ZHX2: variants seen among roughly 807,000 people sequenced by gnomAD.
ZHX2 encodes zinc fingers and homeoboxes 2, also known as zinc fingers and homeoboxes protein 2.
Under a neutral mutation model 21.9 loss-of-function variants are expected in ZHX2, and 6 were observed. The observed-to-expected ratio is 0.27, with a 90% CI of 0.15 to 0.54. The LOEUF (loss-of-function observed/expected upper bound fraction) is 0.54. ZHX2 is among the 20% of genes least tolerant of loss of function. ZHX2 has a pLI of 0.95. For missense variants in ZHX2, 908 were observed against 1,090.7 expected, an observed-to-expected ratio of 0.83 and a Z score of 2.36; for synonymous variants, 434 against 437.1, an observed-to-expected ratio of 0.99 and a Z score of 0.09.
At chr8:122,943,876 C>A (rs1343212634) in intron 2 of ZHX2, among the ~76,000 whole-genome samples, 1 of 152,208 alleles carries the variant, frequency 6.6e-6, no homozygotes, top group Non-Finnish European at 1.5e-5. Context: ...CCCTTGCCTG[C>A]AGACCAAAAT....
chr8:122,850,110 A>C (rs11774230), intron 1 of ZHX2, among the ~76,000 whole-genome samples: 41,563 of 151,792 alleles, frequency 0.27, 5,985 homozygotes, highest in Middle Eastern at 0.36. Flanking sequence ...AATTATCCAC[A>C]TTTCTTCTTT....
At chr8:122,843,626 G>A (rs78578821) in intron 1 of ZHX2, among the ~76,000 whole-genome samples, 4,260 of 152,272 alleles carry the variant, frequency 0.028, 83 homozygotes, top group Middle Eastern at 0.071. Context: ...AACTGCTGCC[G>A]GATCTGGGGA....
chr8:122,811,279 G>A (rs1487317589), intron 1 of ZHX2, among the ~76,000 whole-genome samples: 2 of 152,146 alleles, frequency 1.3e-5, no homozygotes, highest in South Asian at 4.2e-4. Flanking sequence ...TACTAGGGAG[G>A]CTGAGGTGGG....
At chr8:122,858,865 T>C (rs1289549360) in intron 1 of ZHX2, among the ~76,000 whole-genome samples, 1 of 152,208 alleles carries the variant, frequency 6.6e-6, no homozygotes, top group Admixed American at 6.5e-5. Flanking sequence ...GGTCTCAAAC[T>C]CCTGACCTCA....
rs1563587881 is a variant in ZHX2 at position 122,927,510 on chromosome 8, A to C, written c.-219-23782A>C. 3.9e-5 allele frequency among the ~76,000 whole-genome samples: 6 copies of C among 152,288 alleles called. 1 individual carries two copies. In the South Asian group the frequency reaches 1.2e-3, roughly 32 times the overall value. ...ATTCCATCTTAAAAAAAAAATACCC[A>C]AAACTGGGTAATTTATAAAGGAAAG... is the stretch of plus-strand genomic sequence containing the variant. On this transcript the variant is annotated intron_variant, in intron 2 of 3. Coordinates refer to ENST00000314393, the MANE Select transcript of ZHX2 (RefSeq NM_014943.5).
rs573983064 is a variant in ZHX2, at chr8:122,958,609, G to T, written c.*4+4581G>T. On this transcript the variant is annotated intron_variant, in intron 3 of 3. Coordinates refer to ENST00000314393, the MANE Select transcript of ZHX2 (RefSeq NM_014943.5). The stretch of plus-strand genomic sequence containing the variant: ...TTATAGAGGGCAAAACTGAGGGCCA[G>T]AGAAAATGAGTAACTTGCCTTATGT... 8.5e-5 allele frequency among the ~76,000 whole-genome samples: 13 copies of T among 152,320 alleles called. No homozygotes were observed. The East Asian group carries it at 2.5e-3, about 29-fold the overall frequency.
At chr8:122,936,546 C>T (rs1209668927) in intron 2 of ZHX2, among the ~76,000 whole-genome samples, 1 of 152,206 alleles carries the variant, frequency 6.6e-6, no homozygotes, top group African/African-American at 2.4e-5. Context: ...CTGAGAACTG[C>T]TGTTTTAGAA....
chr8:122,921,520 CA>C (rs1278050463), intron 2 of ZHX2, among the ~76,000 whole-genome samples: 1 of 152,030 alleles, frequency 6.6e-6, no homozygotes, highest in African/African-American at 2.4e-5. Flanking sequence ...GCTCTCGCCA[CA>C]AAAAAGAAGC....
intron 3 of ZHX2, among the ~76,000 whole-genome samples, chr8:122,955,697 G>A (rs945328497): frequency 2.0e-5 from 3 of 152,100 alleles, no homozygotes; most frequent in African/African-American, 7.2e-5. Context: ...GGGAGGGCGT[G>A]AGTGAAAGGA....
intron 2 of ZHX2, among the ~76,000 whole-genome samples, chr8:122,897,429 A>G (rs1182820343): frequency 1.3e-5 from 2 of 152,222 alleles, no homozygotes; most frequent in East Asian, 3.8e-4. Flanking sequence ...ACTGATGATT[A>G]CATTTTTTTT....
chr8:122,960,374 C>T (rs1813412415), intron 3 of ZHX2, among the ~76,000 whole-genome samples: 1 of 151,980 alleles, frequency 6.6e-6, no homozygotes, highest in Non-Finnish European at 1.5e-5. Flanking sequence ...CCTGTCTCTA[C>T]TACAAATACA....
At chr8:122,800,914 A>G (rs537154346) in intron 1 of ZHX2, among the ~76,000 whole-genome samples, 44 of 152,320 alleles carry the variant, frequency 2.9e-4, no homozygotes, top group African/African-American at 1.0e-3. Context: ...GTGCGCGTGC[A>G]CAAAAACATA....
intron 2 of ZHX2, among the ~76,000 whole-genome samples, chr8:122,881,130 G>A (rs1307270949): frequency 7.5e-6 from 1 of 132,914 alleles, no homozygotes; most frequent in African/African-American, 4.1e-5. Flanking sequence ...GGGAATGTGA[G>A]CGTGGCTGCA....
intron 1 of ZHX2, among the ~76,000 whole-genome samples, chr8:122,796,958 A>G (rs1817624148): frequency 6.6e-6 from 1 of 152,188 alleles, no homozygotes; most frequent in Non-Finnish European, 1.5e-5. Context: ...GTGTCCTCCC[A>G]TCAGGCAGAT....
chr8:122,820,647 G>A (rs1278806028), intron 1 of ZHX2, among the ~76,000 whole-genome samples: 1 of 152,088 alleles, frequency 6.6e-6, no homozygotes, highest in African/African-American at 2.4e-5. Flanking sequence ...GCTGAGAGAG[G>A]GATGCATTTG....
intron 1 of ZHX2, among the ~76,000 whole-genome samples, chr8:122,830,410 A>C (rs1175189946): frequency 6.6e-6 from 1 of 152,182 alleles, no homozygotes; most frequent in Non-Finnish European, 1.5e-5. Flanking sequence ...TCATCCCCTT[A>C]AGCTTTCAGG....
At chr8:122,942,269 A>G (rs952134667) in intron 2 of ZHX2, among the ~76,000 whole-genome samples, 4 of 151,642 alleles carry the variant, frequency 2.6e-5, no homozygotes, top group Non-Finnish European at 4.4e-5. Flanking sequence ...TCCTGCTCCC[A>G]CCCCCTCAAA....
rs1223408052 is a variant in ZHX2 at position 122,782,447 on chromosome 8, G to C, written c.-283+501G>C. On this transcript the variant is annotated intron_variant, in intron 1 of 3. Transcript: ENST00000314393. This position sits in a 1 kb window ranked among gnomAD's most constrained non-coding sequence, Gnocchi z 5.3. ...GGCAGGTCCCGCGGGGACTCCACCG[G>C]GACGTGGCCCCGTCTCCGCGCGTTT... Among the ~76,000 whole-genome samples the C allele has an allele frequency of 6.6e-6, 1 of 152,144 alleles. No homozygotes were observed. Among genetic ancestry groups the C allele is most frequent in the Non-Finnish European group, 1.5e-5 (1 of 68,014 alleles).
intron 2 of ZHX2, among the ~76,000 whole-genome samples, chr8:122,910,422 G>A (rs572714761): frequency 6.6e-6 from 1 of 152,266 alleles, no homozygotes; most frequent in South Asian, 2.1e-4. Context: ...ACATCCTGCT[G>A]GCTAATGCAG....
Sources: allele counts gnomAD v4.1 joint callset (sites outside exome capture counted in the v4.1 genomes callset), GRCh38; gene constraint gnomAD v4.1.1; non-coding constraint Gnocchi (gnomAD v3.1); transcripts MANE v1.5; gene names NCBI Gene and HGNC (gene_info 2026-07-23, HGNC 2026-07-21).